Variants in SCHIP1 observed in about 807,000 individuals in gnomAD.
The protein encoded by SCHIP1 is schwannomin-interacting protein 1.
A neutral mutation model predicts 29.7 loss-of-function variants in SCHIP1; 8 were observed. That is an observed-to-expected ratio of 0.27 (90% confidence interval 0.16 to 0.49). SCHIP1 has a LOEUF of 0.49. Ranked by LOEUF, SCHIP1 falls within the 20% of genes least tolerant of loss-of-function variation. The pLI, the probability that SCHIP1 is intolerant of heterozygous loss-of-function variation, is 0.99. For missense variants in SCHIP1, 193 were observed against 294.6 expected, an observed-to-expected ratio of 0.66 and a Z score of 2.52; for synonymous variants, 76 against 94.9, an observed-to-expected ratio of 0.80 and a Z score of 1.16.
intron 2 of SCHIP1, among the ~76,000 whole-genome samples, chr3:159,870,902 T>G (rs933117839): frequency 1.3e-5 from 2 of 152,042 alleles, no homozygotes; most frequent in South Asian, 4.1e-4. Flanking sequence ...TTGGTAGGAC[T>G]CATTTCTCTC....
chr3:159,682,837 T>C, the SCHIP1 span, among the ~76,000 whole-genome samples: 1 of 152,224 alleles, frequency 6.6e-6, no homozygotes, highest in Admixed American at 6.5e-5. Context: ...TTCAATGTAA[T>C]GTAGTGTTGA....
the SCHIP1 span, among the ~76,000 whole-genome samples, chr3:159,820,838 G>A: frequency 2.0e-5 from 3 of 152,146 alleles, no homozygotes; most frequent in Admixed American, 6.5e-5. Context: ...AGTTTAGATT[G>A]AGAAGAACTC....
the SCHIP1 span, among the ~76,000 whole-genome samples, chr3:159,720,169 A>G: frequency 7.0e-6 from 1 of 142,236 alleles, no homozygotes; most frequent in Non-Finnish European, 1.5e-5. Flanking sequence ...ATAGGTGGGA[A>G]TTGAACAATG....
the SCHIP1 span, among the ~76,000 whole-genome samples, chr3:159,463,785 G>T: frequency 6.6e-6 from 1 of 151,354 alleles, no homozygotes; most frequent in Non-Finnish European, 1.5e-5. Flanking sequence ...CACAAATAAA[G>T]GTTCTTAAAA....
the SCHIP1 span, among the ~76,000 whole-genome samples, chr3:159,366,159 G>A: frequency 6.6e-6 from 1 of 152,058 alleles, no homozygotes; most frequent in Admixed American, 6.6e-5. Flanking sequence ...ATGTCACAGG[G>A]CAAAAGCATG....
At chr3:159,761,185 T>G in the SCHIP1 span, among the ~76,000 whole-genome samples, 3 of 152,220 alleles carry the variant, frequency 2.0e-5, no homozygotes, top group South Asian at 6.2e-4. Context: ...TGCATTTTAG[T>G]AAGGCCACTC....
the SCHIP1 span, among the ~76,000 whole-genome samples, chr3:159,771,952 G>A: frequency 6.6e-6 from 1 of 152,082 alleles, no homozygotes; most frequent in African/African-American, 2.4e-5. Context: ...AAAAACAGAG[G>A]CAGATATCCT....
chr3:159,877,391 GCTT>G, intron 2 of SCHIP1, among the ~76,000 whole-genome samples: 1 of 152,140 alleles, frequency 6.6e-6, no homozygotes, highest in African/African-American at 2.4e-5. Flanking sequence ...AAATAACCAT[GCTT>G]CATAGAATCA....
the SCHIP1 span, chr3:159,273,711 T>G: frequency 6.6e-7 from 1 of 1,511,208 alleles, no homozygotes; most frequent in Non-Finnish European, 8.9e-7. Flanking sequence ...TAGAAATTTT[T>G]TAGACAACCT....
the SCHIP1 span, among the ~76,000 whole-genome samples, chr3:159,472,930 C>G: frequency 2.0e-5 from 3 of 152,180 alleles, no homozygotes; most frequent in African/African-American, 7.2e-5. Flanking sequence ...TGTTTGTTCT[C>G]TAATTCACCT....
the SCHIP1 span, among the ~76,000 whole-genome samples, chr3:159,630,649 C>T: frequency 1.8e-5 from 2 of 113,006 alleles, no homozygotes; most frequent in Non-Finnish European, 3.0e-5. Flanking sequence ...CAAACATTCT[C>T]GCTCATAAGT....
the SCHIP1 span, among the ~76,000 whole-genome samples, chr3:159,782,331 TTTCCAC>T: frequency 6.6e-6 from 1 of 152,198 alleles, no homozygotes; most frequent in Non-Finnish European, 1.5e-5. Context: ...GTGCGTGTGC[TTTCCAC>T]TTTCAGTTAT....
the SCHIP1 span, among the ~76,000 whole-genome samples, chr3:159,420,968 G>A: frequency 6.6e-6 from 1 of 152,198 alleles, no homozygotes; most frequent in East Asian, 1.9e-4. Context: ...AAGCCTGCCT[G>A]ATGCTGAGAA....
chr3:159,297,162 G>C, the SCHIP1 span, among the ~76,000 whole-genome samples: 11 of 128,786 alleles, frequency 8.5e-5, no homozygotes, highest in Admixed American at 3.8e-4. Flanking sequence ...GTGTGTGTGT[G>C]TGTGTACATA....
the SCHIP1 span, among the ~76,000 whole-genome samples, chr3:159,287,498 T>TAATG: frequency 2.6e-5 from 4 of 152,096 alleles, 1 homozygote; most frequent in South Asian, 8.3e-4. Flanking sequence ...AAGAAAATTT[T>TAATG]AATGAATATA....
the SCHIP1 span, among the ~76,000 whole-genome samples, chr3:159,356,585 C>T: frequency 6.6e-6 from 1 of 152,156 alleles, no homozygotes; most frequent in African/African-American, 2.4e-5. Flanking sequence ...ATGAGAACAT[C>T]CTGAGCTTAA....
the SCHIP1 span, among the ~76,000 whole-genome samples, chr3:159,592,941 T>G: frequency 1.3e-5 from 2 of 152,088 alleles, no homozygotes; most frequent in East Asian, 1.9e-4. Flanking sequence ...ATGACACAAA[T>G]TAACAGTTAT....
At chr3:159,665,389 G>C in the SCHIP1 span, among the ~76,000 whole-genome samples, 1 of 152,228 alleles carries the variant, frequency 6.6e-6, no homozygotes, top group East Asian at 1.9e-4. Context: ...CAGTGCTATG[G>C]AATCAAGCAG....
chr3:159,637,370 GCCAC>G, the SCHIP1 span, among the ~76,000 whole-genome samples: 2 of 69,270 alleles, frequency 2.9e-5, no homozygotes, highest in Admixed American at 3.5e-4. Flanking sequence ...CCCGGCCCCA[GCCAC>G]ACACACACAC....
Sources: gnomAD v4.1 joint callset for allele counts (sites outside exome capture counted in the v4.1 genomes callset) on GRCh38, gnomAD v4.1.1 for gene constraint, MANE v1.5 for transcripts, NCBI Gene and HGNC (gene_info 2026-07-23, HGNC 2026-07-21) for gene names.